ILDR1: variants seen among roughly 807,000 people sequenced by gnomAD.
ILDR1 encodes immunoglobulin like domain containing receptor 1.
A neutral mutation model predicts 62.4 loss-of-function variants in ILDR1; 56 were observed. The observed-to-expected ratio is 0.90, with a 90% CI of 0.72 to 1.12. The LOEUF (loss-of-function observed/expected upper bound fraction) is 1.12. Ranked by LOEUF, ILDR1 falls within the 50% of genes most tolerant of loss-of-function variation. The pLI is 0.00. For synonymous variants in ILDR1, 284 were observed against 277.8 expected, an observed-to-expected ratio of 1.02 and a Z score of -0.22; for missense variants, 736 against 710.6, an observed-to-expected ratio of 1.04 and a Z score of -0.41.
chr3:122,031,853 C>T, the ILDR1 span, among the ~76,000 whole-genome samples: 2 of 152,274 alleles, frequency 1.3e-5, no homozygotes, highest in African/African-American at 2.4e-5. Flanking sequence ...AGGACACCAA[C>T]CCTGGGTCTA....
chr3:122,034,233 A>G, the ILDR1 span, among the ~76,000 whole-genome samples: 1 of 152,252 alleles, frequency 6.6e-6, no homozygotes, highest in African/African-American at 2.4e-5. Context: ...GGTTAAATCC[A>G]GTAACTTCTT....
At position 122,001,394 on chromosome 3, in the gene ILDR1, A is replaced by T. The variant is rs762656524; in HGVS notation, c.560T>A (p.Val187Glu). The change falls in exon 5 of 8, where the codon GTG (valine) becomes GAG (glutamate). Residue 187 changes from valine (V) to glutamate (E), a missense_variant. Physicochemically the swap from Val to Glu is moderately radical, Grantham distance 121 (BLOSUM62 -2). Transcript: ENST00000344209. ...CTGAGGACAGCACTGGCACCAGCAC[A>T]CTCCAATCAGCAGCAGGAGGAGGAG... ...GALLLLLLIG[V>E]CWCQCCPQYC... 7.4e-6 allele frequency: 12 copies of T among 1,613,942 alleles called. No homozygotes were observed. The highest frequency in any genetic ancestry group is 1.0e-5 in the Non-Finnish European group (12 of 1,179,992).
chr3:122,001,587 A>G (rs779222843), intron 4 of ILDR1, 133 bp from the exon 5 acceptor site: 1 of 1,476,112 alleles, frequency 6.8e-7, no homozygotes, highest in Non-Finnish European at 9.5e-7. Context: ...ATACTGGCAA[A>G]AAGGTAAAAG....
Position 122,022,169 on chromosome 3 carries a change from C to A in ILDR1, c.-92G>T. The A allele has an allele frequency of 8.8e-7, 1 of 1,137,094 alleles. No individual in the cohort carries two copies. Among genetic ancestry groups the A allele is most frequent in the Non-Finnish European group, 1.3e-6 (1 of 787,892 alleles). 70.4% of individuals were successfully genotyped at this position (1,137,094 alleles called of 1,614,324 possible). A position where few individuals can be genotyped will look rare whatever the true frequency, so the allele number is the denominator to read the frequency against. On this transcript the variant is annotated 5_prime_UTR_variant, in exon 1 of 8. Transcript: ENST00000344209. ...CCGCCCCAGGACGCACCACCTTCTCCAAGGAACCCCTCGGGTTTCCCCTCC... is the reference window on the plus strand; with the variant it reads ...CCGCCCCAGGACGCACCACCTTCTCAAAGGAACCCCTCGGGTTTCCCCTCC...
chr3:122,009,978 A>G (rs2071679581), intron 1 of ILDR1, among the ~76,000 whole-genome samples: 1 of 152,252 alleles, frequency 6.6e-6, no homozygotes, highest in Admixed American at 6.5e-5. Context: ...TGCTGGATAG[A>G]GACTCTGCGG....
At chr3:122,025,014 G>A (rs184167530), upstream of ILDR1, among the ~76,000 whole-genome samples, 8 of 152,254 alleles carry the variant, frequency 5.3e-5, no homozygotes, top group East Asian at 1.9e-4. Context: ...TGTGCCATTC[G>A]TCCAATAAAG....
At chr3:121,997,961 C>A (rs1272617157) in intron 5 of ILDR1, among the ~76,000 whole-genome samples, 1 of 152,160 alleles carries the variant, frequency 6.6e-6, no homozygotes, top group Non-Finnish European at 1.5e-5. Flanking sequence ...AAAGTGGGAG[C>A]AGGTTGGGGA....
Position 121,994,241 on chromosome 3 carries a change from C to T in ILDR1, c.719G>A (p.Trp240Ter). The T allele has an allele frequency of 3.3e-6, 5 of 1,536,116 alleles. No homozygotes were observed. The highest frequency in any genetic ancestry group is 1.2e-5 in the South Asian group (1 of 84,048). Residue 240 changes from tryptophan (W) to a stop codon, truncating the protein, a stop_gained, in exon 6 of 8, where the codon TGG becomes TAG. Transcript: ENST00000344209. LOFTEE classifies it high-confidence loss of function. ...AACCTGGGAGCTCCTGTCCGCCCCC[C>T]AGTACAGGGGTTTTCCCATCATCTG... ...GPQMMGKPLY[W>*]GADRSSQVSS...
chr3:122,026,068 G>A (rs1576742048), upstream of ILDR1, among the ~76,000 whole-genome samples: 1 of 152,112 alleles, frequency 6.6e-6, no homozygotes, highest in African/African-American at 2.4e-5. Flanking sequence ...TGAACAATAA[G>A]CACTTAAGTT....
chr3:122,059,563 A>T, the ILDR1 span, among the ~76,000 whole-genome samples: 1 of 151,984 alleles, frequency 6.6e-6, no homozygotes, highest in African/African-American at 2.4e-5. Context: ...AAAGAAATCA[A>T]GTGGGGAGAT....
intron 5 of ILDR1, among the ~76,000 whole-genome samples, chr3:122,000,727 G>T (rs2071509137): frequency 6.6e-6 from 1 of 152,200 alleles, no homozygotes; most frequent in African/African-American, 2.4e-5. Context: ...GAAGTAGGGG[G>T]CAGTCTTGTG....
the ILDR1 span, among the ~76,000 whole-genome samples, chr3:122,040,641 A>C: frequency 1.3e-5 from 2 of 151,412 alleles, no homozygotes; most frequent in Non-Finnish European, 3.0e-5. Context: ...GTCAAGTGAT[A>C]TTTGACAAAG....
intron 1 of ILDR1, among the ~76,000 whole-genome samples, chr3:122,020,053 C>T (rs1435637144): frequency 6.6e-6 from 1 of 152,310 alleles, no homozygotes; most frequent in Non-Finnish European, 1.5e-5. Flanking sequence ...GAAGGAGATT[C>T]AGAATTCCAA....
chr3:122,008,719 A>C (rs2071655933), intron 1 of ILDR1, among the ~76,000 whole-genome samples: 1 of 149,848 alleles, frequency 6.7e-6, no homozygotes, highest in Non-Finnish European at 1.5e-5. Flanking sequence ...TCAGCCTCCC[A>C]AGTAGCTGGG....
chr3:122,024,624 T>A (rs1050527437), upstream of ILDR1, among the ~76,000 whole-genome samples: 5 of 152,222 alleles, frequency 3.3e-5, no homozygotes, highest in Admixed American at 2.0e-4. Context: ...TACCAAGCAA[T>A]GTTCTTAGTG....
chr3:122,001,268 C>T, intron 5 of ILDR1, 40 bp downstream of exon 5: 1 of 1,613,036 alleles, frequency 6.2e-7, no homozygotes, highest in Non-Finnish European at 8.5e-7. Context: ...GTCCTGGTCC[C>T]TAATCCACTC....
At chr3:122,051,146 C>T in the ILDR1 span, among the ~76,000 whole-genome samples, 1 of 152,124 alleles carries the variant, frequency 6.6e-6, no homozygotes, top group African/African-American at 2.4e-5. Flanking sequence ...GCCTATTGGG[C>T]TTCTTGGATC....
At chr3:122,002,887 C>T (rs1413481991) in intron 3 of ILDR1, among the ~76,000 whole-genome samples, 7 of 152,246 alleles carry the variant, frequency 4.6e-5, no homozygotes, top group African/African-American at 1.4e-4. Flanking sequence ...CTACAGAATG[C>T]GAGAAAACTT....
chr3:122,003,756 T>C (rs2071562596), intron 3 of ILDR1, among the ~76,000 whole-genome samples: 1 of 151,894 alleles, frequency 6.6e-6, no homozygotes, highest in African/African-American at 2.4e-5. Flanking sequence ...GTGGGAGTAG[T>C]GGAAGGTATT....
Sources: gnomAD v4.1 joint callset for allele counts (sites outside exome capture counted in the v4.1 genomes callset) on GRCh38, gnomAD v4.1.1 for gene constraint, MANE v1.5 for transcripts, NCBI Gene and HGNC (gene_info 2026-07-23, HGNC 2026-07-21) for gene names.